Variants in FAM227B observed in about 807,000 individuals in gnomAD.
FAM227B encodes the protein family with sequence similarity 227 member B.
A neutral mutation model predicts 73.8 loss-of-function variants in FAM227B; 88 were observed. That is an observed-to-expected ratio of 1.19 (90% CI 1.00 to 1.42). The LOEUF is 1.42. Among genes scored for constraint, FAM227B ranks in the 40% most tolerant of loss-of-function variants. The pLI, the probability that FAM227B is intolerant of heterozygous loss-of-function variation, is 0.00. For missense variants in FAM227B, 632 were observed against 590.9 expected, an observed-to-expected ratio of 1.07 and a Z score of -0.72; for synonymous variants, 210 against 190.5, an observed-to-expected ratio of 1.10 and a Z score of -0.84.
In FAM227B at chr15:49,453,729, C is replaced by T. The variant is rs536518883; in HGVS notation, c.1012+54482G>A. 2.6e-5 allele frequency among the ~76,000 whole-genome samples: 4 copies of T among 152,252 alleles called. No individual in the cohort carries two copies. In the South Asian group the frequency reaches 8.3e-4, roughly 32 times the overall value. On this transcript the variant is annotated intron_variant, in intron 11 of 15. Coordinates refer to ENST00000299338, the MANE Select transcript of FAM227B (RefSeq NM_152647.3). ...CTGAAATTTCATGTCTCTTCCTTTT[C>T]TTGAGCTCTTGTTACATGTATCTAA...
chr15:49,592,574 G>T (rs1384176614), intron 3 of FAM227B, among the ~76,000 whole-genome samples: 1 of 152,176 alleles, frequency 6.6e-6, no homozygotes, highest in Non-Finnish European at 1.5e-5. Context: ...TCCCACAGTT[G>T]CACTTGCCTG....
intron 11 of FAM227B, among the ~76,000 whole-genome samples, chr15:49,454,914 A>G (rs2053135363): frequency 6.6e-6 from 1 of 152,012 alleles, no homozygotes. Flanking sequence ...CAGCCATAAT[A>G]TATTCTTAAA....
At chr15:49,545,343 T>A (rs918869136) in intron 9 of FAM227B, among the ~76,000 whole-genome samples, 2 of 152,230 alleles carry the variant, frequency 1.3e-5, no homozygotes, top group Non-Finnish European at 2.9e-5. Context: ...TCGGTTGTAA[T>A]GTTTCCCATT....
At chr15:49,419,025 C>T (rs890954658) in intron 11 of FAM227B, among the ~76,000 whole-genome samples, 5 of 152,142 alleles carry the variant, frequency 3.3e-5, no homozygotes, top group African/African-American at 7.2e-5. Context: ...TTGAGTCATT[C>T]GTCTACCCTG....
intron 3 of FAM227B, among the ~76,000 whole-genome samples, chr15:49,602,013 G>C (rs1269788210): frequency 1.3e-5 from 2 of 152,132 alleles, no homozygotes. Context: ...CATGTGTAAA[G>C]GTACCACATT....
chr15:49,354,828 T>G (rs2042847406), intron 13 of FAM227B, among the ~76,000 whole-genome samples: 2 of 151,884 alleles, frequency 1.3e-5, no homozygotes, highest in African/African-American at 4.8e-5. Flanking sequence ...CTCTGCAGAC[T>G]TAAATGTCCC....
intron 11 of FAM227B, among the ~76,000 whole-genome samples, chr15:49,397,626 T>G (rs150246326): frequency 2.0e-5 from 3 of 151,878 alleles, no homozygotes; most frequent in African/African-American, 7.3e-5. Context: ...CAAAGGGAAG[T>G]CCATCAGACT....
At chr15:49,515,390 C>A (rs896650621) in intron 10 of FAM227B, among the ~76,000 whole-genome samples, 2 of 152,166 alleles carry the variant, frequency 1.3e-5, no homozygotes, top group Non-Finnish European at 2.9e-5. Flanking sequence ...TAAAGCCTTT[C>A]ACATATTAAT....
chr15:49,487,950 G>T (rs942123420), intron 11 of FAM227B: 14 of 151,878 alleles, frequency 9.2e-5, no homozygotes, highest in Non-Finnish European at 1.9e-4. Context: ...AAGATTATTT[G>T]CCTCCCATAA....
chr15:49,482,320 C>T (rs1488522834), intron 11 of FAM227B, among the ~76,000 whole-genome samples: 3 of 152,006 alleles, frequency 2.0e-5, no homozygotes, highest in African/African-American at 7.2e-5. Context: ...AGTTACCATT[C>T]TTGTGTAAAC....
At chr15:49,577,744 G>A in intron 5 of FAM227B, 80 bp from the exon 6 acceptor site, 1 of 768,934 alleles carries the variant, frequency 1.3e-6, no homozygotes, top group Non-Finnish European at 2.1e-6. Flanking sequence ...CAGTTAACTA[G>A]TATGCATAGA....
chr15:49,562,870 T>C (rs1222949957), intron 9 of FAM227B, among the ~76,000 whole-genome samples: 1 of 152,080 alleles, frequency 6.6e-6, no homozygotes, highest in South Asian at 2.1e-4. Context: ...GAGCCATCTA[T>C]GACAAACCCA....
chr15:49,469,542 T>A (rs1166258128), intron 11 of FAM227B, among the ~76,000 whole-genome samples: 1 of 152,112 alleles, frequency 6.6e-6, no homozygotes, highest in African/African-American at 2.4e-5. Context: ...ATTTCTGTAG[T>A]CAAGGCCAAA....
At chr15:49,506,512 C>A (rs1022320244) in intron 11 of FAM227B, among the ~76,000 whole-genome samples, 7 of 151,836 alleles carry the variant, frequency 4.6e-5, no homozygotes, top group Non-Finnish European at 1.0e-4. Context: ...CTCAAGTGTA[C>A]ATGGAATGTT....
chr15:49,530,553 G>C (rs1193862135), intron 10 of FAM227B, among the ~76,000 whole-genome samples: 1 of 151,760 alleles, frequency 6.6e-6, no homozygotes, highest in African/African-American at 2.4e-5. Context: ...CATTTTTTGA[G>C]ATACCATTGG....
At chr15:49,383,234 T>C (rs974823967) in intron 11 of FAM227B, among the ~76,000 whole-genome samples, 1 of 152,142 alleles carries the variant, frequency 6.6e-6, no homozygotes, top group African/African-American at 2.4e-5. Flanking sequence ...TATACAGGCA[T>C]ATCTTGTTTA....
chr15:49,450,589 A>T (rs2052632863), intron 11 of FAM227B, among the ~76,000 whole-genome samples: 1 of 152,118 alleles, frequency 6.6e-6, no homozygotes, highest in East Asian at 1.9e-4. Flanking sequence ...CTTAATGTAG[A>T]GCAACTAGTT....
rs193241237 is a variant in FAM227B at position 49,482,914 on chromosome 15, T to G, written c.1012+25297A>C. Among the ~76,000 whole-genome samples the G allele has an allele frequency of 9.9e-3, 1,499 of 152,080 alleles. 28 individuals carry two copies. Among genetic ancestry groups the G allele is most frequent in the African/African-American group, 0.034 (1,420 of 41,438 alleles). On this transcript the variant is annotated intron_variant, in intron 11 of 15. Transcript: ENST00000299338. ...GAACTCAAATATGTAACTATTTATT[T>G]GATACAGACACATTTTCTACAAAAT...
intron 10 of FAM227B, among the ~76,000 whole-genome samples, chr15:49,509,423 TAAAG>T (rs969922188): frequency 2.0e-5 from 3 of 152,016 alleles, no homozygotes; most frequent in Non-Finnish European, 4.4e-5. Flanking sequence ...TCCTGATATA[TAAAG>T]AGAGAGAGGG....
Sources: allele counts gnomAD v4.1 joint callset (sites outside exome capture counted in the v4.1 genomes callset), GRCh38; gene constraint gnomAD v4.1.1; transcripts MANE v1.5; gene names NCBI Gene and HGNC (gene_info 2026-07-23, HGNC 2026-07-21).